The following OR13A1 variants were observed in gnomAD, a reference collection of about 807,000 sequenced individuals.
OR13A1 encodes the protein olfactory receptor 13A1.
A neutral mutation model predicts 7.5 loss-of-function variants in OR13A1; 10 were observed. That is an observed-to-expected ratio of 1.34 (90% CI 0.83 to 2.27). The LOEUF (loss-of-function observed/expected upper bound fraction) is 2.27, where lower values mean the gene tolerates loss of function less well. Ranked by LOEUF, OR13A1 falls within the 30% of genes most tolerant of loss-of-function variation. The pLI, the probability that OR13A1 is intolerant of heterozygous loss-of-function variation, is 0.00. For synonymous variants in OR13A1, 238 were observed against 177.9 expected, an observed-to-expected ratio of 1.34 and a Z score of -2.69; for missense variants, 509 against 419.1, an observed-to-expected ratio of 1.21 and a Z score of -1.87.
chr10:45,303,816 G>T lies in OR13A1; in HGVS notation c.607C>A (p.Leu203Met), dbSNP rs770578044. 2 of 1,613,246 alleles carry T rather than the reference G, an allele frequency of 1.2e-6. No individual in the cohort carries two copies. Among genetic ancestry groups the T allele is most frequent in the Non-Finnish European group, 1.7e-6 (2 of 1,180,044 alleles). ...TAGGTGGAGCTGCAGGAGAGAAGCA[G>T]CAGGGGAGGGACCTCGCAGAAGAAA... is the stretch of plus-strand genomic sequence containing the variant. ...IHFFCEVPPL[L>M]LLSCSSTYVN... The change falls in exon 4 of 4, where the codon CTG (leucine) becomes ATG (methionine). Residue 203 changes from leucine (L) to methionine (M), a missense_variant. By Grantham distance (15) the Leu-to-Met change is conservative (BLOSUM62 2). Transcript: ENST00000553795.
intron 1 of OR13A1, among the ~76,000 whole-genome samples, chr10:45,312,004 G>A (rs1838455963): frequency 6.6e-6 from 1 of 151,938 alleles, no homozygotes; most frequent in East Asian, 1.9e-4. Flanking sequence ...GATTAACAGT[G>A]GATTAGACAT....
In OR13A1 at chr10:45,304,448, C is replaced by A; in HGVS notation, c.-12-14G>T. 6.3e-7 allele frequency: 1 copy of A among 1,592,468 alleles called. No individual in the cohort carries two copies. The highest frequency in any genetic ancestry group is 1.7e-5 in the Admixed American group (1 of 58,530). ...GTGATTTCAGAGCTAGAGAGATAAA[C>A]AAGAGGTGTCCTGAGGAAGGCTGCT... On this transcript the variant is annotated splice_polypyrimidine_tract_variant and intron_variant, in intron 3 of 3. Transcript: ENST00000553795.
In OR13A1 at chr10:45,303,043, A is replaced by T. The variant is rs1364134094; in HGVS notation, c.*393T>A. ...GGCTGTGGGGTCCACAATTCTGCCT[A>T]ACTTTTTAGACCCACACAGCTGAAT... On this transcript the variant is annotated 3_prime_UTR_variant, in exon 4 of 4. Coordinates refer to ENST00000553795, the MANE Select transcript of OR13A1 (RefSeq NM_001004297.3). 2 of 166,298 alleles carry T rather than the reference A, an allele frequency of 1.2e-5. No individual in the cohort carries two copies. Among genetic ancestry groups the T allele is most frequent in the East Asian group, 3.5e-4 (2 of 5,684 alleles). 10.3% of individuals were successfully genotyped at this position (166,298 alleles called of 1,614,324 possible).
At chr10:45,312,042 A>G (rs1308968439) in intron 1 of OR13A1, among the ~76,000 whole-genome samples, 1 of 152,150 alleles carries the variant, frequency 6.6e-6, no homozygotes, top group Non-Finnish European at 1.5e-5. Flanking sequence ...ATTAGGGAAA[A>G]GTATAATAAA....
In OR13A1 at chr10:45,303,246, G is replaced by A. The variant is rs1564532067; in HGVS notation, c.*190C>T. ...AGACCAAGAGATCTGGTGTCTCAGA[G>A]GCTGGTGGGTCACACCTACCGCAAT... On this transcript the variant is annotated 3_prime_UTR_variant, in exon 4 of 4. Transcript: ENST00000553795. The A allele has an allele frequency of 1.6e-6, 1 of 606,142 alleles. No individual in the cohort carries two copies. The highest frequency in any genetic ancestry group is 2.9e-6 in the Non-Finnish European group (1 of 349,132). 37.5% of individuals were successfully genotyped at this position (606,142 alleles called of 1,614,324 possible).
chr10:45,304,332 T>C lies in OR13A1; in HGVS notation c.91A>G (p.Ile31Val), dbSNP rs199824741. The change falls in exon 4 of 4, where the codon ATC becomes GTC. Residue 31 changes from isoleucine (I) to valine (V), a missense_variant. Coordinates refer to ENST00000553795, the MANE Select transcript of OR13A1 (RefSeq NM_001004297.3). The part of the protein sequence containing the change: ...MSNQTLVTEF[I>V]LQGFSEHPEY... ...GGGTGCTCCGAAAAGCCCTGCAGGA[T>C]GAACTCGGTTACCAACGTCTGGTTA... 9.3e-6 allele frequency: 15 copies of C among 1,614,008 alleles called. No homozygotes were observed. The Admixed American group carries it at 2.5e-4, about 27-fold the overall frequency.
rs763621429 is a variant in OR13A1 at position 45,303,567 on chromosome 10, C to G, written c.856G>C (p.Ala286Pro). Residue 286 changes from alanine to proline, a missense_variant, in exon 4 of 4, where the codon GCA becomes CCA. Coordinates refer to ENST00000553795, the MANE Select transcript of OR13A1 (RefSeq NM_001004297.3). Reference protein sequence around the residue: ...AYISPVSGYSAGKSKLAGLLY... With the variant: ...AYISPVSGYSPGKSKLAGLLY... ...AGGCCAGCCAACTTGCTCTTCCCTG[C>G]GCTGTAGCCAGAGACCGGGCTTATG... 7 of 1,614,090 alleles carry G rather than the reference C, an allele frequency of 4.3e-6. No individual in the cohort carries two copies. Among genetic ancestry groups the G allele is most frequent in the South Asian group, 1.1e-5 (1 of 91,084 alleles).
intron 1 of OR13A1, among the ~76,000 whole-genome samples, chr10:45,314,801 T>A (rs1477036205): frequency 1.3e-5 from 2 of 152,134 alleles, no homozygotes; most frequent in East Asian, 3.8e-4. Flanking sequence ...TGTCAACAAA[T>A]TGGATAATTT....
rs1003295518 is a variant in OR13A1 at position 45,303,789 on chromosome 10, C to T, written c.634G>A (p.Val212Ile). The part of the protein sequence containing the change: ...LLLLSCSSTY[V>I]NGVMIVLADA... ...GCCAGGACAATCATGACACCGTTGACGTAGGTGGAGCTGCAGGAGAGAAGC... is the reference window on the plus strand; with the variant it reads ...GCCAGGACAATCATGACACCGTTGATGTAGGTGGAGCTGCAGGAGAGAAGC... Residue 212 changes from valine to isoleucine, a missense_variant, in exon 4 of 4, where the codon GTC (valine) becomes ATC (isoleucine). By Grantham distance (29) the Val-to-Ile change is conservative. Coordinates refer to ENST00000553795, the MANE Select transcript of OR13A1 (RefSeq NM_001004297.3). 6.2e-6 allele frequency: 10 copies of T among 1,613,870 alleles called. No individual in the cohort carries two copies. Among genetic ancestry groups the T allele is most frequent in the Non-Finnish European group, 8.5e-6 (10 of 1,180,034 alleles).
intron 1 of OR13A1, chr10:45,308,943 G>A (rs540612295): frequency 4.5e-4 from 69 of 152,312 alleles, no homozygotes; most frequent in African/African-American, 1.6e-3. Context: ...CACTGCCTGT[G>A]GGAGACACTA....
At chr10:45,307,643 G>A (rs1838361014) in intron 2 of OR13A1, 76 bp from the exon 3 acceptor site, 1 of 152,140 alleles carries the variant, frequency 6.6e-6, no homozygotes, top group Non-Finnish European at 1.5e-5. Flanking sequence ...CATTACAAGA[G>A]TATTACTAAG....
At chr10:45,314,930 AAAC>A (rs1175062319) in intron 1 of OR13A1, among the ~76,000 whole-genome samples, 2 of 152,226 alleles carry the variant, frequency 1.3e-5, no homozygotes, top group Non-Finnish European at 2.9e-5. Context: ...ACCTCCAAAC[AAAC>A]AACAGCCCAG....
intron 3 of OR13A1, among the ~76,000 whole-genome samples, chr10:45,305,239 AT>A (rs1211948108): frequency 2.0e-5 from 3 of 152,158 alleles, no homozygotes; most frequent in Non-Finnish European, 4.4e-5. Context: ...CTCAAAAAAA[AT>A]TGTTTTAATT....
chr10:45,309,751 G>A (rs1002246419), intron 1 of OR13A1, among the ~76,000 whole-genome samples: 2 of 152,168 alleles, frequency 1.3e-5, no homozygotes, highest in African/African-American at 4.8e-5. Context: ...TAGTTAGCAA[G>A]CAGAGAGCTG....
rs978543319 is a variant in OR13A1, at chr10:45,315,563, G to A, written c.-264C>T. On this transcript the variant is annotated 5_prime_UTR_variant, in exon 1 of 4. Coordinates refer to ENST00000553795, the MANE Select transcript of OR13A1 (RefSeq NM_001004297.3). ...GATTCAAACTTTTCTTCTGGATTAG[G>A]AACAAGACAAGTATACTCTGTCTCT... 6.6e-6 allele frequency: 1 copy of A among 151,790 alleles called. No individual in the cohort carries two copies. Among genetic ancestry groups the A allele is most frequent in the Non-Finnish European group, 1.5e-5 (1 of 67,968 alleles). 9.4% of individuals were successfully genotyped at this position (151,790 alleles called of 1,614,324 possible). A position where few individuals can be genotyped will look rare whatever the true frequency, so the allele number is the denominator to read the frequency against.
chr10:45,308,022 T>C (rs535464850), intron 1 of OR13A1, among the ~76,000 whole-genome samples: 41 of 152,342 alleles, frequency 2.7e-4, no homozygotes, highest in South Asian at 6.2e-4. Context: ...ATTTAAAAGA[T>C]TTAATTAATA....
chr10:45,313,384 T>C (rs1838475162), intron 1 of OR13A1, among the ~76,000 whole-genome samples: 2 of 151,496 alleles, frequency 1.3e-5, no homozygotes, highest in African/African-American at 4.8e-5. Context: ...AAAACAAAAT[T>C]TACAAAACAT....
chr10:45,314,892 C>T (rs1276777029), intron 1 of OR13A1, among the ~76,000 whole-genome samples: 1 of 152,048 alleles, frequency 6.6e-6, no homozygotes, highest in East Asian at 1.9e-4. Context: ...AGACTTATAA[C>T]TACGAAGGAG....
intron 1 of OR13A1, among the ~76,000 whole-genome samples, chr10:45,308,208 G>C (rs893135481): frequency 1.3e-5 from 2 of 152,338 alleles, no homozygotes; most frequent in South Asian, 2.1e-4. Context: ...CATATGTTCA[G>C]GGTCAAATCT....
Sources: allele counts gnomAD v4.1 joint callset (sites outside exome capture counted in the v4.1 genomes callset), GRCh38; gene constraint gnomAD v4.1.1; transcripts MANE v1.5; gene names NCBI Gene and HGNC (gene_info 2026-07-23, HGNC 2026-07-21).